The following FOXP1 variants were observed in gnomAD, a reference collection of about 807,000 sequenced individuals.
FOXP1 encodes the protein forkhead box protein P1.
FOXP1 carries 15 observed loss-of-function variants against 98.2 expected under a neutral mutation model. The observed-to-expected ratio is 0.15, with a 90% CI of 0.10 to 0.24. FOXP1 has a LOEUF of 0.24. Ranked by LOEUF, FOXP1 falls within the 10% of genes least tolerant of loss-of-function variation. The probability of loss-of-function intolerance (pLI) is 1.00; values close to 1 mark genes in which losing one functional copy is unlikely to be tolerated. For missense variants in FOXP1, 633 were observed against 848.5 expected (o/e 0.75, Z 3.15); for synonymous variants, 371 against 314.5 (o/e 1.18, Z -1.90).
At chr3:71,539,593 G>A (rs1292579702) in intron 2 of FOXP1, among the ~76,000 whole-genome samples, 1 of 151,666 alleles carries the variant, frequency 6.6e-6, no homozygotes, top group African/African-American at 2.4e-5. Flanking sequence ...ATAACAATAA[G>A]TCTTCCAGTC....
At chr3:70,963,389 C>G (rs537357687) in intron 20 of FOXP1, among the ~76,000 whole-genome samples, 2 of 152,316 alleles carry the variant, frequency 1.3e-5, no homozygotes, top group South Asian at 4.1e-4. Context: ...GCACACAGCA[C>G]TTCAAAGAAC....
intron 5 of FOXP1, among the ~76,000 whole-genome samples, chr3:71,277,545 T>C (rs1473888714): frequency 2.0e-5 from 3 of 152,146 alleles, no homozygotes; most frequent in Admixed American, 2.0e-4. Flanking sequence ...TACAATAGCC[T>C]CTTGCCACAT....
intron 6 of FOXP1, among the ~76,000 whole-genome samples, chr3:71,193,042 T>G (rs1429040625): frequency 6.6e-6 from 1 of 152,192 alleles, no homozygotes; most frequent in Non-Finnish European, 1.5e-5. Context: ...CAAATACCAT[T>G]TCCCATGTTC....
chr3:71,337,563 A>G (rs62247706), intron 4 of FOXP1, among the ~76,000 whole-genome samples: 13 of 152,222 alleles, frequency 8.5e-5, no homozygotes, highest in Non-Finnish European at 1.9e-4. Flanking sequence ...TACATATATT[A>G]TCTCAAATAT....
At chr3:71,525,678 T>C (rs189158102) in intron 2 of FOXP1, among the ~76,000 whole-genome samples, 69 of 152,326 alleles carry the variant, frequency 4.5e-4, no homozygotes, top group African/African-American at 1.6e-3. Context: ...GAGGCCTTTA[T>C]ATTTATTTAT....
chr3:71,243,920 A>T (rs2067503870), intron 5 of FOXP1, among the ~76,000 whole-genome samples: 1 of 152,232 alleles, frequency 6.6e-6, no homozygotes, highest in Non-Finnish European at 1.5e-5. Flanking sequence ...AAATTAGAGA[A>T]GAAAATAATT....
chr3:71,340,642 G>C (rs758506939), intron 4 of FOXP1, among the ~76,000 whole-genome samples: 1 of 152,136 alleles, frequency 6.6e-6, no homozygotes, highest in Non-Finnish European at 1.5e-5. Context: ...CAATGATCTG[G>C]GTAAATCAAA....
intron 3 of FOXP1, among the ~76,000 whole-genome samples, chr3:71,401,587 C>T (rs1419863120): frequency 6.6e-6 from 1 of 152,196 alleles, no homozygotes; most frequent in Admixed American, 6.5e-5. Context: ...TGGCTTCCAA[C>T]ATTCCTCTCT....
chr3:71,300,778 T>C (rs945829815), intron 4 of FOXP1, among the ~76,000 whole-genome samples: 4 of 152,232 alleles, frequency 2.6e-5, no homozygotes, highest in African/African-American at 9.6e-5. Flanking sequence ...GGTGGCGAAA[T>C]CATATCATCA....
chr3:71,391,399 G>C (rs925986717), intron 3 of FOXP1, among the ~76,000 whole-genome samples: 1 of 152,156 alleles, frequency 6.6e-6, no homozygotes, highest in African/African-American at 2.4e-5. Context: ...TTTGCCTACT[G>C]TTCCCCCAAG....
chr3:71,235,169 TC>T (rs2066669845), intron 5 of FOXP1, among the ~76,000 whole-genome samples: 1 of 152,252 alleles, frequency 6.6e-6, no homozygotes. Flanking sequence ...TAGATCTAAG[TC>T]CCCTTGGATT....
At chr3:71,019,684 A>G (rs1328316679) in intron 11 of FOXP1, among the ~76,000 whole-genome samples, 1 of 152,120 alleles carries the variant, frequency 6.6e-6, no homozygotes, top group African/African-American at 2.4e-5. Context: ...TACAAAAATT[A>G]GTCAGGTGTG....
chr3:71,170,261 C>T (rs905573247), intron 6 of FOXP1, among the ~76,000 whole-genome samples: 4 of 152,124 alleles, frequency 2.6e-5, no homozygotes, highest in Non-Finnish European at 2.9e-5. Flanking sequence ...AAACACTTAG[C>T]GGTATATATC....
intron 10 of FOXP1, among the ~76,000 whole-genome samples, chr3:71,044,318 A>G (rs2048738385): frequency 6.6e-6 from 1 of 152,226 alleles, no homozygotes; most frequent in Admixed American, 6.5e-5. Context: ...TCTGCTACCT[A>G]GAGTTTACAT....
At chr3:71,327,469 G>A (rs373993187) in intron 4 of FOXP1, among the ~76,000 whole-genome samples, 3 of 143,734 alleles carry the variant, frequency 2.1e-5, no homozygotes, top group Non-Finnish European at 4.5e-5. Context: ...CTCACTGCAA[G>A]CTCCGCCTCC....
intron 5 of FOXP1, among the ~76,000 whole-genome samples, chr3:71,228,980 T>TC (rs2066064273): frequency 3.1e-5 from 2 of 65,276 alleles, no homozygotes; most frequent in Non-Finnish European, 6.4e-5. Context: ...TTTTTTTTTT[T>TC]TGATGTCTCA....
At chr3:70,972,060 G>A (rs1395582359) in intron 18 of FOXP1, 14 of 1,508,650 alleles carry the variant, frequency 9.3e-6, no homozygotes, top group East Asian at 5.0e-5. Flanking sequence ...TTGCGAGGAC[G>A]GCCTCGTTGA....
chr3:71,156,082 G>A (rs141093969), intron 6 of FOXP1, among the ~76,000 whole-genome samples: 22 of 152,312 alleles, frequency 1.4e-4, no homozygotes, highest in African/African-American at 4.8e-4. Flanking sequence ...ACACAGCCCA[G>A]AGATGAACAC....
At chr3:71,050,780 A>G (rs1461673177) in intron 9 of FOXP1, among the ~76,000 whole-genome samples, 1 of 152,168 alleles carries the variant, frequency 6.6e-6, no homozygotes, top group Non-Finnish European at 1.5e-5. Context: ...ACTGTCTGAG[A>G]CTGTGAAACA....
Sources: allele counts gnomAD v4.1 joint callset (sites outside exome capture counted in the v4.1 genomes callset), GRCh38; gene constraint gnomAD v4.1.1; transcripts MANE v1.5; gene names NCBI Gene and HGNC (gene_info 2026-07-23, HGNC 2026-07-21).